The following DUSP16 variants were observed in gnomAD, a reference collection of about 807,000 sequenced individuals.
DUSP16 encodes dual specificity protein phosphatase 16.
A neutral mutation model predicts 58.3 loss-of-function variants in DUSP16; 21 were observed. The ratio of observed to expected loss-of-function variants is 0.36; its 90% CI spans 0.26 to 0.52. The LOEUF (loss-of-function observed/expected upper bound fraction) is 0.52. Among genes scored for constraint, DUSP16 ranks in the 20% least tolerant of loss-of-function variants. The pLI, the probability that DUSP16 is intolerant of heterozygous loss-of-function variation, is 0.94. For synonymous variants in DUSP16, 320 were observed against 323.8 expected (o/e 0.99, Z 0.12); for missense variants, 726 against 819.0 (o/e 0.89, Z 1.39).
At chr12:12,531,510 T>C (rs1331495682) in intron 1 of DUSP16, among the ~76,000 whole-genome samples, 1 of 152,114 alleles carries the variant, frequency 6.6e-6, no homozygotes, top group East Asian at 1.9e-4. Flanking sequence ...ACTAAGAGAA[T>C]CTTAGTTTTA....
chr12:12,484,022 T>G (rs564336251), intron 5 of DUSP16, among the ~76,000 whole-genome samples: 2 of 152,082 alleles, frequency 1.3e-5, no homozygotes. Flanking sequence ...ACATTTATCT[T>G]TAAGAATTTG....
chr12:12,545,021 T>C (rs1468839917), intron 1 of DUSP16, among the ~76,000 whole-genome samples: 1 of 152,192 alleles, frequency 6.6e-6, no homozygotes, highest in Non-Finnish European at 1.5e-5. Context: ...GTGTGAATCC[T>C]ACAACTTTGT....
intron 3 of DUSP16, among the ~76,000 whole-genome samples, chr12:12,511,668 T>C (rs1944081232): frequency 6.6e-6 from 1 of 152,156 alleles, no homozygotes; most frequent in Non-Finnish European, 1.5e-5. Context: ...CAAATGATCA[T>C]ATACTTCTCT....
At chr12:12,522,033 A>G (rs975099882) in intron 1 of DUSP16, among the ~76,000 whole-genome samples, 3 of 152,222 alleles carry the variant, frequency 2.0e-5, no homozygotes, top group Non-Finnish European at 4.4e-5. Flanking sequence ...GCCCTCACGG[A>G]GGAGAGAAGA....
chr12:12,522,357 T>C (rs1346912751), intron 1 of DUSP16, among the ~76,000 whole-genome samples: 1 of 152,220 alleles, frequency 6.6e-6, no homozygotes, highest in Non-Finnish European at 1.5e-5. Context: ...CCCTTAAAGC[T>C]GAACCCAGTG....
intron 3 of DUSP16, among the ~76,000 whole-genome samples, chr12:12,515,962 GAT>G: frequency 6.6e-6 from 1 of 151,050 alleles, no homozygotes; most frequent in African/African-American, 2.5e-5. Context: ...TTTTAGTAGA[GAT>G]GGGGTTTTGC....
At chr12:12,552,204 G>A (rs1592213855) in intron 1 of DUSP16, among the ~76,000 whole-genome samples, 3 of 152,184 alleles carry the variant, frequency 2.0e-5, no homozygotes, top group South Asian at 4.1e-4. Flanking sequence ...CCAGAAATTT[G>A]GGAGGCCGAG....
chr12:12,562,794 G>C lies in DUSP16; in HGVS notation c.-1043C>G, dbSNP rs562452531. The stretch of plus-strand genomic sequence containing the variant: ...CCGCGGCCGCCCGAGCCCGGAGCGC[G>C]GCTCCGCGCCTCGTTCCGGCCGCTC... On this transcript the variant is annotated 5_prime_UTR_variant, in exon 1 of 7. Coordinates refer to ENST00000298573, the MANE Select transcript of DUSP16 (RefSeq NM_030640.3). 3.5e-3 allele frequency among the ~76,000 whole-genome samples: 538 copies of C among 151,602 alleles called. 3 individuals are homozygous for C. Among genetic ancestry groups the C allele is most frequent in the African/African-American group, 0.012 (503 of 41,450 alleles).
intron 5 of DUSP16, among the ~76,000 whole-genome samples, chr12:12,481,857 C>CA (rs1491404713): frequency 1.2e-4 from 19 of 152,126 alleles, no homozygotes; most frequent in African/African-American, 4.6e-4. Context: ...ACGTTACTCT[C>CA]AGTGTTTCCT....
intron 1 of DUSP16, among the ~76,000 whole-genome samples, chr12:12,555,392 A>G (rs543326776): frequency 4.6e-4 from 70 of 152,338 alleles, no homozygotes; most frequent in Non-Finnish European, 8.1e-4. Flanking sequence ...AAAAAGCAAC[A>G]GGTGTAAGAA....
chr12:12,519,210 G>T (rs577089868), intron 3 of DUSP16, among the ~76,000 whole-genome samples: 9 of 152,202 alleles, frequency 5.9e-5, no homozygotes, highest in Admixed American at 2.0e-4. Flanking sequence ...TCCTCCAGGA[G>T]AGATATAGAA....
At chr12:12,548,980 T>C (rs1032084655) in intron 1 of DUSP16, among the ~76,000 whole-genome samples, 1 of 152,106 alleles carries the variant, frequency 6.6e-6, no homozygotes, top group Non-Finnish European at 1.5e-5. Context: ...GAAAAACCCC[T>C]AGGGCAAAAA....
At chr12:12,508,054 CTCTCT>C (rs1266958572) in intron 3 of DUSP16, among the ~76,000 whole-genome samples, 2 of 152,216 alleles carry the variant, frequency 1.3e-5, no homozygotes, top group Non-Finnish European at 2.9e-5. Flanking sequence ...GAGGACAGTT[CTCTCT>C]TCTCTCCATA....
chr12:12,505,195 G>A (rs1390583556), intron 3 of DUSP16, among the ~76,000 whole-genome samples: 2 of 152,178 alleles, frequency 1.3e-5, no homozygotes, highest in Non-Finnish European at 2.9e-5. Context: ...GAAGAGCCAG[G>A]TTATAAGTCT....
intron 6 of DUSP16, 50 bp from the exon 7 acceptor site, chr12:12,478,065 T>C: frequency 7.2e-7 from 1 of 1,390,430 alleles, no homozygotes; most frequent in Non-Finnish European, 9.8e-7. Context: ...CTACACTTTA[T>C]CTTAAGAATA....
At chr12:12,526,949 G>A (rs530994788) in intron 1 of DUSP16, among the ~76,000 whole-genome samples, 7 of 152,126 alleles carry the variant, frequency 4.6e-5, no homozygotes, top group African/African-American at 1.4e-4. Context: ...AGGAGGAAGC[G>A]GGGGGTCCCA....
chr12:12,484,464 T>C (rs1317596606), intron 5 of DUSP16, among the ~76,000 whole-genome samples: 1 of 152,142 alleles, frequency 6.6e-6, no homozygotes, highest in Non-Finnish European at 1.5e-5. Context: ...CTCTTCTCTT[T>C]TCTACTAAAC....
intron 3 of DUSP16, among the ~76,000 whole-genome samples, chr12:12,516,890 C>G (rs1944162212): frequency 6.6e-6 from 1 of 152,118 alleles, no homozygotes; most frequent in South Asian, 2.1e-4. Flanking sequence ...TAAACAAGAC[C>G]TGGTCCATAT....
At chr12:12,530,171 A>G (rs1944364596) in intron 1 of DUSP16, among the ~76,000 whole-genome samples, 1 of 152,110 alleles carries the variant, frequency 6.6e-6, no homozygotes, top group African/African-American at 2.4e-5. Flanking sequence ...ATCCTTACCA[A>G]CACTGATCTT....
Sources: allele counts gnomAD v4.1 joint callset (sites outside exome capture counted in the v4.1 genomes callset), GRCh38; gene constraint gnomAD v4.1.1; transcripts MANE v1.5; gene names NCBI Gene and HGNC (gene_info 2026-07-23, HGNC 2026-07-21).